FOXO3: variants seen among roughly 807,000 people sequenced by gnomAD.
FOXO3 encodes forkhead box protein O3.
FOXO3 carries 4 observed loss-of-function variants against 41.9 expected under a neutral mutation model. The ratio of observed to expected loss-of-function variants is 0.10; its 90% confidence interval spans 0.05 to 0.22. FOXO3 has a LOEUF of 0.22. Among genes scored for constraint, FOXO3 ranks in the 10% least tolerant of loss-of-function variants. The pLI, the probability that FOXO3 is intolerant of heterozygous loss-of-function variation, is 1.00. For missense variants in FOXO3, 534 were observed against 906.8 expected (o/e 0.59, Z 5.28); for synonymous variants, 318 against 389.3 (o/e 0.82, Z 2.16).
At chr6:108,562,756 C>T (rs559305823) in intron 1 of FOXO3, among the ~76,000 whole-genome samples, 4 of 152,120 alleles carry the variant, frequency 2.6e-5, no homozygotes, top group African/African-American at 7.2e-5. Context: ...GCACGGGACA[C>T]GTGGTAGGGA....
chr6:108,581,726 A>G, intron 1 of FOXO3, among the ~76,000 whole-genome samples: 1 of 152,096 alleles, frequency 6.6e-6, no homozygotes, highest in East Asian at 1.9e-4. Flanking sequence ...ATTATGAATC[A>G]TTTCTTCTTT....
intron 1 of FOXO3, among the ~76,000 whole-genome samples, chr6:108,573,903 C>T (rs558436765): frequency 4.7e-4 from 72 of 152,170 alleles, no homozygotes; most frequent in Admixed American, 3.6e-3. Flanking sequence ...CCTGTAATCC[C>T]AGCACTTTGG....
chr6:108,649,828 A>G (rs1429624156), intron 1 of FOXO3, among the ~76,000 whole-genome samples: 2 of 152,126 alleles, frequency 1.3e-5, no homozygotes, highest in African/African-American at 4.8e-5. Flanking sequence ...AATGCCTCAG[A>G]GAGTTGTGTG....
chr6:108,653,352 G>A (rs1404275643), intron 1 of FOXO3, among the ~76,000 whole-genome samples: 3 of 152,142 alleles, frequency 2.0e-5, no homozygotes, highest in African/African-American at 7.2e-5. Flanking sequence ...CATGGTATCT[G>A]GTTTAAAGAG....
chr6:108,591,381 G>T (rs1776729732), intron 1 of FOXO3, among the ~76,000 whole-genome samples: 1 of 152,182 alleles, frequency 6.6e-6, no homozygotes, highest in South Asian at 2.1e-4. Flanking sequence ...AATTTAAATG[G>T]TCTATTTATT....
chr6:108,578,435 G>T (rs926111180), intron 1 of FOXO3, among the ~76,000 whole-genome samples: 1 of 152,164 alleles, frequency 6.6e-6, no homozygotes, highest in Non-Finnish European at 1.5e-5. Context: ...ATATAACAAA[G>T]CTCTAGCCCC....
At chr6:108,659,010 C>T (rs1778769416) in intron 1 of FOXO3, among the ~76,000 whole-genome samples, 1 of 152,018 alleles carries the variant, frequency 6.6e-6, no homozygotes, top group African/African-American at 2.4e-5. Flanking sequence ...TCAGCCTCCC[C>T]AGTAGCTGTG....
chr6:108,592,862 A>AT (rs997614564), intron 1 of FOXO3, among the ~76,000 whole-genome samples: 3 of 152,158 alleles, frequency 2.0e-5, no homozygotes, highest in African/African-American at 7.2e-5. Flanking sequence ...GCACGTGGTA[A>AT]TTGAGTGCTT....
At chr6:108,650,257 G>A (rs1348518677) in intron 1 of FOXO3, among the ~76,000 whole-genome samples, 2 of 152,294 alleles carry the variant, frequency 1.3e-5, no homozygotes, top group East Asian at 3.9e-4. Context: ...AGGGACACGT[G>A]CTGGTTGAGG....
intron 1 of FOXO3, among the ~76,000 whole-genome samples, chr6:108,641,148 G>A (rs548057745): frequency 2.6e-5 from 4 of 152,080 alleles, no homozygotes; most frequent in Admixed American, 2.6e-4. Flanking sequence ...GACCTCAAGC[G>A]ATCTGCCCAC....
chr6:108,564,934 G>GTA (rs1236558116), intron 1 of FOXO3, among the ~76,000 whole-genome samples: 2 of 152,208 alleles, frequency 1.3e-5, no homozygotes, highest in East Asian at 3.9e-4. Context: ...CAGCTAGTTA[G>GTA]TAGAGAGGTA....
chr6:108,604,554 A>G (rs1297142586), intron 1 of FOXO3, among the ~76,000 whole-genome samples: 1 of 152,214 alleles, frequency 6.6e-6, no homozygotes, highest in East Asian at 1.9e-4. Context: ...AGGAATAATC[A>G]GTTTGCTTTC....
intron 1 of FOXO3, among the ~76,000 whole-genome samples, chr6:108,609,855 A>G (rs1031420780): frequency 7.9e-5 from 12 of 152,222 alleles, no homozygotes; most frequent in Admixed American, 6.5e-4. Context: ...ACTGTTGACA[A>G]CAGGGCTCCT....
chr6:108,635,109 T>C (rs1778087315), intron 1 of FOXO3, among the ~76,000 whole-genome samples: 2 of 152,074 alleles, frequency 1.3e-5, no homozygotes, highest in Non-Finnish European at 2.9e-5. Context: ...AAGACCAGTC[T>C]GGCCAACATG....
At chr6:108,622,366 TCTC>T (rs935955097) in intron 1 of FOXO3, among the ~76,000 whole-genome samples, 31 of 151,120 alleles carry the variant, frequency 2.1e-4, no homozygotes, top group African/African-American at 7.6e-4. Flanking sequence ...GTACCTGAGA[TCTC>T]CTTGAATCAG....
At position 108,678,890 on chromosome 6, in the gene FOXO3, T is replaced by TTTTTTTTTTTC. The variant is rs368405598; in HGVS notation, c.*35-936_*35-935insTTTTTTTTTCT. Among the ~76,000 whole-genome samples the TTTTTTTTTTTC allele has an allele frequency of 4.0e-4, 46 of 115,408 alleles. 3 individuals carry two copies. Among genetic ancestry groups the TTTTTTTTTTTC allele is most frequent in the Non-Finnish European group, 6.8e-4 (38 of 55,942 alleles). The allele number at this position is 115,408 out of a possible 152,430, so 75.7% of individuals were successfully genotyped here. ...AATTCTTTTTTTTTTTTTTTTTTTT[T>TTTTTTTTTTTC]TGAGACGGAGTCTCGCTGTCGCTCA... On this transcript the variant is annotated intron_variant, in intron 2 of 2. Transcript: ENST00000406360.
Position 108,576,456 on chromosome 6 carries a change from C to G in FOXO3, c.621+14627C>G, listed in dbSNP as rs189621428. Among the ~76,000 whole-genome samples, 6 of 152,314 alleles carry G rather than the reference C, an allele frequency of 3.9e-5. No individual in the cohort carries two copies. The East Asian group carries it at 1.2e-3, about 29-fold the overall frequency. On this transcript the variant is annotated intron_variant, in intron 1 of 2. Transcript: ENST00000406360. ...CAGTGAATGCTTTGAGTTAATTTAT[C>G]AGCAACCTGTGCTGAATAAGCAAGG...
At chr6:108,624,915 A>G (rs1457222811) in intron 1 of FOXO3, among the ~76,000 whole-genome samples, 1 of 152,116 alleles carries the variant, frequency 6.6e-6, no homozygotes, top group East Asian at 1.9e-4. Context: ...AATTGGAGAT[A>G]CAAGCCACCA....
chr6:108,633,842 T>TA (rs58983314), intron 1 of FOXO3, among the ~76,000 whole-genome samples: 7,683 of 142,260 alleles, frequency 0.054, 284 homozygotes, highest in South Asian at 0.23. Flanking sequence ...AGAAGTCAAT[T>TA]AAAAAAAAAA....
Sources: gnomAD v4.1 joint callset for allele counts (sites outside exome capture counted in the v4.1 genomes callset) on GRCh38, gnomAD v4.1.1 for gene constraint, MANE v1.5 for transcripts, NCBI Gene and HGNC (gene_info 2026-07-23, HGNC 2026-07-21) for gene names.